Variants in KAZN observed in about 807,000 individuals in gnomAD.
The protein encoded by KAZN is kazrin.
Under a neutral mutation model 87.4 loss-of-function variants are expected in KAZN, and 40 were observed. That is an observed-to-expected ratio of 0.46 (90% confidence interval 0.36 to 0.60). The LOEUF (loss-of-function observed/expected upper bound fraction) is 0.60. KAZN is among the 20% of genes least tolerant of loss of function. The pLI, the probability that KAZN is intolerant of heterozygous loss-of-function variation, is 0.00. For missense variants in KAZN, 898 were observed against 1,073.9 expected (o/e 0.84, Z 2.29); for synonymous variants, 466 against 458.3 (o/e 1.02, Z -0.22).
chr1:14,126,360 C>CATG (rs1644867986), intron 1 of KAZN, among the ~76,000 whole-genome samples: 1 of 150,698 alleles, frequency 6.6e-6, no homozygotes, highest in Non-Finnish European at 1.5e-5. Flanking sequence ...CCCTCCCCCC[C>CATG]CCCGTCAAGA....
At chr1:14,855,590 G>C (rs577773326) in intron 1 of KAZN, among the ~76,000 whole-genome samples, 2 of 152,338 alleles carry the variant, frequency 1.3e-5, no homozygotes, top group South Asian at 4.1e-4. Context: ...GTCCATGAGT[G>C]GGGTGAAATG....
Position 14,573,536 on chromosome 1 carries a change from A to T in KAZN, c.250-25447A>T, listed in dbSNP as rs538732652. ...GTGGTGCACACCTGTAATCCCAGCT[A>T]CTAGAGAAGCTGAGGCAGAAGAATC... On this transcript the variant is annotated intron_variant, in intron 2 of 16. Coordinates refer to the KAZN transcript ENST00000636203. Among the ~76,000 whole-genome samples, 105 of 152,302 alleles carry T rather than the reference A, an allele frequency of 6.9e-4. No homozygotes were observed. In the Middle Eastern group the frequency reaches 0.01, roughly 15 times the overall value.
chr1:14,164,966 C>G (rs955169974), intron 1 of KAZN, among the ~76,000 whole-genome samples: 2 of 152,188 alleles, frequency 1.3e-5, no homozygotes, highest in African/African-American at 2.4e-5. Context: ...TGCGGATCCT[C>G]TTTTCCAGGG....
At chr1:14,465,961 ACTC>A (rs1668103758) in intron 2 of KAZN, among the ~76,000 whole-genome samples, 1 of 152,040 alleles carries the variant, frequency 6.6e-6, no homozygotes, top group Non-Finnish European at 1.5e-5. Flanking sequence ...ACACACAAAT[ACTC>A]CTCATTATGT....
intron 1 of KAZN, among the ~76,000 whole-genome samples, chr1:14,170,433 TGGTAGG>T (rs1399423063): frequency 1.3e-5 from 2 of 151,994 alleles, no homozygotes; most frequent in Non-Finnish European, 2.9e-5. Context: ...CAAATCCCAG[TGGTAGG>T]GTCAGCAGTG....
At chr1:13,915,208 G>A (rs893700149) in intron 1 of KAZN, among the ~76,000 whole-genome samples, 6 of 152,166 alleles carry the variant, frequency 3.9e-5, no homozygotes, top group Admixed American at 1.3e-4. Context: ...TTCCCCAGCA[G>A]GGAGGGTTTT....
rs144086853 is a variant in KAZN at position 14,298,968 on chromosome 1, C to T, written c.249+118376C>T. On this transcript the variant is annotated intron_variant, in intron 2 of 16. Transcript: ENST00000636203. ...GCCTGTGAGCAGGACAATGAGCATA[C>T]GTAAACATGTGTTGCCTGTGCCGTT... Among the ~76,000 whole-genome samples, 6 of 152,310 alleles carry T rather than the reference C, an allele frequency of 3.9e-5. No homozygotes were observed. The East Asian group carries it at 9.6e-4, about 24-fold the overall frequency.
At chr1:14,457,969 C>A (rs1667660970) in intron 2 of KAZN, among the ~76,000 whole-genome samples, 2 of 151,998 alleles carry the variant, frequency 1.3e-5, no homozygotes. Flanking sequence ...AGGTGCCCGC[C>A]ACCATGCCTG....
intron 1 of KAZN, chr1:13,893,896 G>C: frequency 9.7e-7 from 1 of 1,030,476 alleles, no homozygotes; most frequent in Non-Finnish European, 1.4e-6. Flanking sequence ...TGGGATGTAA[G>C]ACTTAACTAG....
intron 2 of KAZN, among the ~76,000 whole-genome samples, chr1:14,336,697 C>G (rs964627679): frequency 1.3e-5 from 2 of 152,186 alleles, no homozygotes; most frequent in Non-Finnish European, 2.9e-5. Flanking sequence ...TTGCATATCT[C>G]TCATGACTAA....
intron 1 of KAZN, among the ~76,000 whole-genome samples, chr1:14,857,518 G>C (rs1650276467): frequency 6.8e-6 from 1 of 146,230 alleles, no homozygotes; most frequent in African/African-American, 2.7e-5. Flanking sequence ...AGGTGACAGA[G>C]TGAGACACAC....
intron 2 of KAZN, among the ~76,000 whole-genome samples, chr1:14,227,740 G>A (rs1647419014): frequency 6.6e-6 from 1 of 152,186 alleles, no homozygotes; most frequent in South Asian, 2.1e-4. Flanking sequence ...CCACCACAGT[G>A]ACTGGCTCTC....
At chr1:14,466,183 C>T (rs899168984) in intron 2 of KAZN, among the ~76,000 whole-genome samples, 1 of 152,098 alleles carries the variant, frequency 6.6e-6, no homozygotes, top group Non-Finnish European at 1.5e-5. Context: ...GAATTATGTC[C>T]CTGCCGCCAA....
intron 1 of KAZN, among the ~76,000 whole-genome samples, chr1:13,993,177 C>G (rs1047571439): frequency 6.6e-6 from 1 of 152,088 alleles, no homozygotes. Flanking sequence ...GGAAATAATC[C>G]CAGAAAGAGG....
intron 1 of KAZN, among the ~76,000 whole-genome samples, chr1:14,711,335 T>A (rs1367635230): frequency 6.7e-6 from 1 of 149,516 alleles, no homozygotes; most frequent in Admixed American, 6.6e-5. Flanking sequence ...AGAAAGACTC[T>A]GTTTCCAAAA....
At chr1:14,339,303 C>A (rs888539877) in intron 2 of KAZN, among the ~76,000 whole-genome samples, 12 of 152,196 alleles carry the variant, frequency 7.9e-5, no homozygotes, top group South Asian at 4.2e-4. Context: ...ACACTATAGA[C>A]CCTGAGCAAA....
chr1:14,530,649 A>C (rs552748225), intron 2 of KAZN, among the ~76,000 whole-genome samples: 2 of 152,026 alleles, frequency 1.3e-5, no homozygotes, highest in East Asian at 3.9e-4. Flanking sequence ...TCCCTTTCTC[A>C]CGATGCAATG....
chr1:14,033,426 G>C (rs1304540430), intron 1 of KAZN, among the ~76,000 whole-genome samples: 1 of 152,196 alleles, frequency 6.6e-6, no homozygotes. Context: ...GAGACAGTAA[G>C]GCAGCATCAT....
chr1:14,420,934 A>T (rs1289123917), intron 2 of KAZN, among the ~76,000 whole-genome samples: 2 of 133,334 alleles, frequency 1.5e-5, no homozygotes, highest in Non-Finnish European at 3.5e-5. Flanking sequence ...CCGCAAGCAG[A>T]GGGAGCCAGC....
Sources: allele counts gnomAD v4.1 joint callset (sites outside exome capture counted in the v4.1 genomes callset), GRCh38; gene constraint gnomAD v4.1.1; transcripts MANE v1.5; gene names NCBI Gene and HGNC (gene_info 2026-07-23, HGNC 2026-07-21).